Variants in ZNF831 observed in about 807,000 individuals in gnomAD.
ZNF831 encodes the protein zinc finger protein 831.
In ZNF831, 59 loss-of-function variants were observed where a neutral mutation model predicts 95.8. That is an observed-to-expected ratio of 0.62 (90% CI 0.50 to 0.77). ZNF831 has a LOEUF of 0.77. Ranked by LOEUF, ZNF831 falls within the 30% of genes least tolerant of loss-of-function variation. The pLI is 0.00. For synonymous variants in ZNF831, 961 were observed against 925.5 expected, an observed-to-expected ratio of 1.04 and a Z score of -0.70; for missense variants, 2,205 against 2,164.0, an observed-to-expected ratio of 1.02 and a Z score of -0.38.
intron 4 of ZNF831, among the ~76,000 whole-genome samples, chr20:59,237,538 G>A (rs1987068830): frequency 6.6e-6 from 1 of 152,126 alleles, no homozygotes; most frequent in African/African-American, 2.4e-5. Context: ...GTAGAGACGC[G>A]GTTTCACCAT....
At chr20:59,168,892 T>G (rs966274089) in intron 1 of ZNF831, among the ~76,000 whole-genome samples, 5 of 152,252 alleles carry the variant, frequency 3.3e-5, no homozygotes, top group Non-Finnish European at 5.9e-5. Context: ...TTATACTGAA[T>G]GCATTCCTGG....
At chr20:59,248,443 T>C (rs1404069210) in intron 4 of ZNF831, among the ~76,000 whole-genome samples, 1 of 152,260 alleles carries the variant, frequency 6.6e-6, no homozygotes, top group Non-Finnish European at 1.5e-5. Context: ...TTATTAAAGA[T>C]AATTCACTTT....
intron 1 of ZNF831, among the ~76,000 whole-genome samples, chr20:59,134,342 T>C (rs931591547): frequency 1.3e-5 from 2 of 152,226 alleles, no homozygotes; most frequent in African/African-American, 4.8e-5. Context: ...TTATGGGGAC[T>C]GTGCCATCCT....
At chr20:59,149,320 G>A (rs1369714981) in intron 2 of ZNF831, among the ~76,000 whole-genome samples, 1 of 152,174 alleles carries the variant, frequency 6.6e-6, no homozygotes, top group Non-Finnish European at 1.5e-5. Flanking sequence ...AGTCTCAATG[G>A]CAAACTTCCA....
chr20:59,192,039 G>C lies in ZNF831; in HGVS notation c.1020G>C (p.Glu340Asp), dbSNP rs2146558554. 6.2e-7 allele frequency: 1 copy of C among 1,608,910 alleles called. No individual in the cohort carries two copies. Among genetic ancestry groups the C allele is most frequent in the Non-Finnish European group, 8.5e-7 (1 of 1,179,248 alleles). Residue 340 changes from glutamate (E) to aspartate (D), a missense_variant, in exon 2 of 6, where the codon GAG (glutamate) becomes GAC (aspartate). Transcript: ENST00000371030. This position sits in a 1 kb window ranked among gnomAD's most constrained non-coding sequence, Gnocchi z 5.2. The stretch of plus-strand genomic sequence containing the variant: ...CCGAGGGCCGGCTGCGGAAGTGTGA[G>C]AGCACCGACTCGGGGTACCTGTCGC... Reference protein sequence around the residue: ...KAPEGRLRKCESTDSGYLSRS... With the variant: ...KAPEGRLRKCDSTDSGYLSRS...
chr20:59,131,498 G>A (rs945498703), intron 1 of ZNF831, among the ~76,000 whole-genome samples: 1 of 152,224 alleles, frequency 6.6e-6, no homozygotes, highest in African/African-American at 2.4e-5. Context: ...ATACATGCCA[G>A]TGTGTCTGGC....
chr20:59,161,513 A>G (rs1008985957), upstream of ZNF831, among the ~76,000 whole-genome samples: 1 of 152,172 alleles, frequency 6.6e-6, no homozygotes, highest in African/African-American at 2.4e-5. Flanking sequence ...TCCTGGCCTC[A>G]AGTGATCCGC....
chr20:59,139,162 T>C (rs922840375), intron 1 of ZNF831, among the ~76,000 whole-genome samples: 2 of 152,232 alleles, frequency 1.3e-5, no homozygotes, highest in Non-Finnish European at 2.9e-5. Context: ...TGCGGGACTG[T>C]TATTTTCTGC....
intron 4 of ZNF831, among the ~76,000 whole-genome samples, chr20:59,214,838 G>A (rs754870800): frequency 3.9e-5 from 6 of 152,164 alleles, no homozygotes; most frequent in Non-Finnish European, 7.4e-5. Context: ...TGAAGGCAAC[G>A]TCATTGATTT....
At position 59,220,665 on chromosome 20, in the gene ZNF831, G is replaced by A. The variant is rs75641561; in HGVS notation, c.4027+13609G>A. On this transcript the variant is annotated intron_variant, in intron 4 of 5. Transcript: ENST00000371030. ...GAAAGAGGTTAGGTCTCAACATCTA[G>A]CTAGAATTTGAGAACACAATTCTGT... 8.5e-3 allele frequency among the ~76,000 whole-genome samples: 1,290 copies of A among 152,200 alleles called. 25 individuals carry two copies. The highest frequency in any genetic ancestry group is 0.03 in the African/African-American group (1,248 of 41,506).
At chr20:59,148,213 C>T (rs928433644) in intron 2 of ZNF831, among the ~76,000 whole-genome samples, 2 of 152,164 alleles carry the variant, frequency 1.3e-5, no homozygotes, top group African/African-American at 2.4e-5. Flanking sequence ...GACAGGGACA[C>T]GGACAATCTC....
At chr20:59,171,398 A>G (rs934733798) in intron 1 of ZNF831, among the ~76,000 whole-genome samples, 3 of 152,254 alleles carry the variant, frequency 2.0e-5, no homozygotes, top group East Asian at 1.9e-4. Flanking sequence ...GGCACAGTCT[A>G]TCCCTTTGCC....
chr20:59,229,055 A>ATG (rs756679350), intron 4 of ZNF831, among the ~76,000 whole-genome samples: 26 of 152,262 alleles, frequency 1.7e-4, no homozygotes, highest in Non-Finnish European at 2.8e-4. Context: ...AGAACATGTG[A>ATG]TGTTTTTCTT....
intron 1 of ZNF831, among the ~76,000 whole-genome samples, chr20:59,139,028 G>A (rs546035329): frequency 1.2e-4 from 18 of 151,730 alleles, no homozygotes; most frequent in African/African-American, 3.9e-4. Flanking sequence ...TTTTGACAGC[G>A]GTTACTGCCT....
intron 3 of ZNF831, among the ~76,000 whole-genome samples, chr20:59,201,059 A>G (rs1984495880): frequency 6.6e-6 from 1 of 152,184 alleles, no homozygotes; most frequent in South Asian, 2.1e-4. Context: ...AAGCTGCCAA[A>G]TTGTTTTCCA....
At chr20:59,219,330 C>G (rs1054821021) in intron 4 of ZNF831, among the ~76,000 whole-genome samples, 4 of 152,180 alleles carry the variant, frequency 2.6e-5, no homozygotes, top group Non-Finnish European at 5.9e-5. Context: ...TTACTGGGGC[C>G]TGTTCTGTGC....
At chr20:59,212,357 A>C (rs1396045230) in intron 4 of ZNF831, among the ~76,000 whole-genome samples, 1 of 152,172 alleles carries the variant, frequency 6.6e-6, no homozygotes, top group African/African-American at 2.4e-5. Context: ...AAGATTGTAC[A>C]TCGATTGGAG....
At chr20:59,242,096 G>A (rs1987370593) in intron 4 of ZNF831, among the ~76,000 whole-genome samples, 2 of 152,306 alleles carry the variant, frequency 1.3e-5, no homozygotes, top group Admixed American at 6.5e-5. Context: ...AAGGTGATTA[G>A]AAAACCAAAA....
Position 59,208,345 on chromosome 20 carries a change from C to T in ZNF831, c.4027+1289C>T, listed in dbSNP as rs1186544781. On this transcript the variant is annotated intron_variant, in intron 4 of 5. Coordinates refer to ENST00000371030, the MANE Select transcript of ZNF831 (RefSeq NM_178457.3). This position sits in a 1 kb window ranked among gnomAD's most constrained non-coding sequence, Gnocchi z 4.2. ...CTCAGGGCTAAATGCTGGTCTGTAC[C>T]ACCAGGACAAGAGGATGTCTCCCCC... Among the ~76,000 whole-genome samples, 1 of 152,084 alleles carries T rather than the reference C, an allele frequency of 6.6e-6. No individual in the cohort carries two copies. Among genetic ancestry groups the T allele is most frequent in the Non-Finnish European group, 1.5e-5 (1 of 68,004 alleles).
Sources: gnomAD v4.1 joint callset for allele counts (sites outside exome capture counted in the v4.1 genomes callset) on GRCh38, gnomAD v4.1.1 for gene constraint, Gnocchi (gnomAD v3.1) non-coding constraint, MANE v1.5 for transcripts, NCBI Gene and HGNC (gene_info 2026-07-23, HGNC 2026-07-21) for gene names.